SARS2: variants seen among roughly 807,000 people sequenced by gnomAD.
SARS2 encodes seryl-tRNA synthetase 2, mitochondrial.
A neutral mutation model predicts 66.8 loss-of-function variants in SARS2; 52 were observed. That is an observed-to-expected ratio of 0.78 (90% CI 0.62 to 0.98). The LOEUF is 0.98. Ranked by LOEUF, SARS2 falls within the 50% of genes least tolerant of loss-of-function variation. The pLI, the probability that SARS2 is intolerant of heterozygous loss-of-function variation, is 0.00. For synonymous variants in SARS2, 306 were observed against 281.4 expected, an observed-to-expected ratio of 1.09 and a Z score of -0.87; for missense variants, 673 against 706.3, an observed-to-expected ratio of 0.95 and a Z score of 0.53.
chr19:38,915,820 G>A (rs375903898), intron 15 of SARS2, 21 bp downstream of exon 15: 1 of 1,613,366 alleles, frequency 6.2e-7, no homozygotes, highest in South Asian at 1.1e-5. Flanking sequence ...GCCTCTCTGG[G>A]TGGGCCCCTC....
intron 9 of SARS2, 111 bp from the exon 10 acceptor site, chr19:38,918,250 G>T: frequency 7.9e-7 from 1 of 1,264,764 alleles, no homozygotes; most frequent in Non-Finnish European, 1.1e-6. Flanking sequence ...AAGGCCCGGG[G>T]CTGGATTATC....
intron 1 of SARS2, among the ~76,000 whole-genome samples, chr19:38,927,306 T>C (rs1295734237): frequency 6.6e-6 from 1 of 151,666 alleles, no homozygotes; most frequent in Non-Finnish European, 1.5e-5. Context: ...ACAAAAAAAA[T>C]TGTTACAATG....
rs1481778485 is a variant in SARS2 at position 38,926,096 on chromosome 19, G to A, written c.363+109C>T. The A allele has an allele frequency of 2.9e-5, 27 of 945,966 alleles. No homozygotes were observed. The South Asian group carries it at 3.2e-4, about 11-fold the overall frequency. 58.6% of individuals were successfully genotyped at this position (945,966 alleles called of 1,614,324 possible). A position where few individuals can be genotyped will look rare whatever the true frequency, so the allele number is the denominator to read the frequency against. On this transcript the variant is annotated intron_variant, in intron 2 of 15. Coordinates refer to ENST00000221431, the MANE Select transcript of SARS2 (RefSeq NM_017827.4). ...CTCCCGAGTAGCTGGGATTATAGGCGTGAGCCACCGTGCCAGCCTGTTCAA... is the reference window on the plus strand; with the variant it reads ...CTCCCGAGTAGCTGGGATTATAGGCATGAGCCACCGTGCCAGCCTGTTCAA...
chr19:38,915,566 G>A lies in SARS2; in HGVS notation c.*40C>T, dbSNP rs1974394419. The A allele has an allele frequency of 6.2e-7, 1 of 1,606,806 alleles. No individual in the cohort carries two copies. Among genetic ancestry groups the A allele is most frequent in the East Asian group, 2.2e-5 (1 of 44,858 alleles). Reference sequence around the variant, plus strand: ...GGTGTCCGGGGTCTCCTGAACTCCAGGAAGCAGTGACACCCCCGAGGGCTG... The same window carrying A: ...GGTGTCCGGGGTCTCCTGAACTCCAAGAAGCAGTGACACCCCCGAGGGCTG... On this transcript the variant is annotated 3_prime_UTR_variant, in exon 16 of 16. Coordinates refer to ENST00000221431, the MANE Select transcript of SARS2 (RefSeq NM_017827.4).
At chr19:38,918,333 C>G in intron 9 of SARS2, 89 bp downstream of exon 9, 1 of 1,300,424 alleles carries the variant, frequency 7.7e-7, no homozygotes, top group East Asian at 2.4e-5. Context: ...CTGCTCGGGG[C>G]AGGTGATCCC....
chr19:38,916,794 A>G (rs1211144075), intron 12 of SARS2, among the ~76,000 whole-genome samples: 20 of 150,646 alleles, frequency 1.3e-4, no homozygotes, highest in Admixed American at 1.3e-3. Context: ...TCCTGAGTAG[A>G]TGGGATTACA....
At chr19:38,927,551 G>A (rs891649483) in intron 1 of SARS2, among the ~76,000 whole-genome samples, 7 of 151,178 alleles carry the variant, frequency 4.6e-5, no homozygotes, top group African/African-American at 1.5e-4. Flanking sequence ...GCACTCCAGC[G>A]TGGGTGACAG....
At chr19:38,922,656 G>A (rs573152047) in intron 2 of SARS2, among the ~76,000 whole-genome samples, 46 of 152,250 alleles carry the variant, frequency 3.0e-4, no homozygotes, top group African/African-American at 1.1e-3. Flanking sequence ...GAAGGGACCT[G>A]GTGGGAGGTG....
At chr19:38,930,014 T>C (rs977700675) in intron 1 of SARS2, 2 of 165,402 alleles carry the variant, frequency 1.2e-5, no homozygotes, top group Non-Finnish European at 2.6e-5. Flanking sequence ...ATTAACTCTA[T>C]TTAACTGCCT....
intron 12 of SARS2, among the ~76,000 whole-genome samples, chr19:38,916,669 T>TG (rs1347432625): frequency 1.3e-5 from 2 of 150,426 alleles, no homozygotes; most frequent in African/African-American, 2.5e-5. Flanking sequence ...CCTCGGTTTT[T>TG]TTTTTTTTTT....
chr19:38,920,610 C>T (rs1414671262), intron 5 of SARS2, among the ~76,000 whole-genome samples: 6 of 151,112 alleles, frequency 4.0e-5, no homozygotes, highest in Admixed American at 2.6e-4. Flanking sequence ...CACAGAGGTA[C>T]GAAGACACAC....
chr19:38,926,914 A>G (rs10423309), intron 1 of SARS2, among the ~76,000 whole-genome samples: 8,709 of 150,460 alleles, frequency 0.058, 776 homozygotes, highest in African/African-American at 0.19. Flanking sequence ...GCAACACAGG[A>G]AGACCTGCCT....
At chr19:38,926,578 G>C (rs1443854582) in intron 1 of SARS2, among the ~76,000 whole-genome samples, 1 of 151,938 alleles carries the variant, frequency 6.6e-6, no homozygotes, top group East Asian at 1.9e-4. Context: ...TTGAGATCAG[G>C]AGTTCAAGAC....
chr19:38,924,025 A>AG (rs1215819681), intron 2 of SARS2, among the ~76,000 whole-genome samples: 1 of 151,474 alleles, frequency 6.6e-6, no homozygotes, highest in African/African-American at 2.4e-5. Context: ...CCAGCGACTC[A>AG]GGAGGCTGAG....
chr19:38,918,575 C>G (rs1379143931), intron 8 of SARS2, 45 bp from the exon 9 acceptor site: 1 of 1,524,748 alleles, frequency 6.6e-7, no homozygotes, highest in African/African-American at 1.4e-5. Context: ...ACAGGTAACC[C>G]TGGCCTCTCG....
rs576245873 is a variant in SARS2 at position 38,920,982 on chromosome 19, CACAG to C, written c.589+406_589+409del. 7.6e-3 allele frequency among the ~76,000 whole-genome samples: 1,152 copies of C among 150,592 alleles called. 18 individuals are homozygous for C. Among genetic ancestry groups the C allele is most frequent in the Middle Eastern group, 0.058 (17 of 292 alleles). Reference sequence around the variant, plus strand: ...AGACACAGATACAGACACACACAAACACAGACACACACACACAGATACAGACACA... The same window carrying C: ...AGACACAGATACAGACACACACAAACACACACACACACAGATACAGACACA... On this transcript the variant is annotated intron_variant, in intron 5 of 15. Coordinates refer to ENST00000221431, the MANE Select transcript of SARS2 (RefSeq NM_017827.4).
chr19:38,926,477 C>T (rs1974630341), intron 1 of SARS2, among the ~76,000 whole-genome samples, 177 bp from the exon 2 acceptor site: 1 of 152,170 alleles, frequency 6.6e-6, no homozygotes, highest in African/African-American at 2.4e-5. Context: ...CAGCTGGCCA[C>T]ACAGATGCCC....
At chr19:38,930,137 T>C (rs1243901784) in intron 1 of SARS2, 4 of 292,036 alleles carry the variant, frequency 1.4e-5, no homozygotes, top group East Asian at 6.9e-5. Context: ...CCATTTTCCT[T>C]TGTGGTCTTA....
In SARS2 at chr19:38,917,941, G is replaced by C. The variant is rs761616100; in HGVS notation, c.1030C>G (p.Arg344Gly). Residue 344 changes from arginine (R) to glycine (G), a missense_variant, in exon 11 of 16, where the codon CGA (arginine) becomes GGA (glycine). Physicochemically the swap from Arg to Gly is moderately radical, Grantham distance 125. Coordinates refer to ENST00000221431, the MANE Select transcript of SARS2 (RefSeq NM_017827.4). ...NTGQEPRGLY[R>G]VHHFTKVEMF... ...CCAGCCTTGGTGAAGTGGTGTACTC[G>C]ATACAGCCCCCGGGGTTCCTGTCCC... 1.9e-5 allele frequency: 30 copies of C among 1,610,608 alleles called. No individual in the cohort carries two copies. Among genetic ancestry groups the C allele is most frequent in the Non-Finnish European group, 2.4e-5 (28 of 1,178,378 alleles).
Sources: allele counts gnomAD v4.1 joint callset (sites outside exome capture counted in the v4.1 genomes callset), GRCh38; gene constraint gnomAD v4.1.1; transcripts MANE v1.5; gene names NCBI Gene and HGNC (gene_info 2026-07-23, HGNC 2026-07-21).